The following PCDHA2 variants were observed in gnomAD, a reference collection of about 807,000 sequenced individuals.
PCDHA2 encodes protocadherin alpha 2.
Under a neutral mutation model 66.0 loss-of-function variants are expected in PCDHA2, and 58 were observed. The ratio of observed to expected loss-of-function variants is 0.88; its 90% confidence interval spans 0.71 to 1.09. The LOEUF (loss-of-function observed/expected upper bound fraction) is 1.09, where lower values mean the gene tolerates loss of function less well. Among genes scored for constraint, PCDHA2 ranks in the 50% least tolerant of loss-of-function variants. PCDHA2 has a pLI of 0.00. For missense variants in PCDHA2, 1,267 were observed against 1,242.3 expected (o/e 1.02, Z -0.30); for synonymous variants, 634 against 554.0 (o/e 1.14, Z -2.03).
At chr5:140,972,091 C>G (rs1169233514) in intron 1 of PCDHA2, among the ~76,000 whole-genome samples, 3 of 152,164 alleles carry the variant, frequency 2.0e-5, no homozygotes, top group African/African-American at 4.8e-5. Context: ...AGAGTAATTT[C>G]TGGCATAGAA....
intron 1 of PCDHA2, chr5:140,830,224 G>C (rs2150182996): frequency 6.2e-7 from 1 of 1,613,900 alleles, no homozygotes; most frequent in African/African-American, 1.3e-5. Context: ...CCAGCCTGCT[G>C]GTCCTCACGC....
At chr5:140,812,540 T>C (rs1456985298) in intron 1 of PCDHA2, 1 of 152,188 alleles carries the variant, frequency 6.6e-6, no homozygotes, top group Non-Finnish European at 1.5e-5. Flanking sequence ...CCTTTTTTTC[T>C]AGTTCCTTGA....
At position 140,807,069 on chromosome 5, in the gene PCDHA2, T is replaced by C. The variant is rs546905593; in HGVS notation, c.2388+9717T>C. The stretch of plus-strand genomic sequence containing the variant: ...CTTCTATTCTTACTGGAAGGAACCA[T>C]ATACACTCTTTGGAGTCTGAAATAT... On this transcript the variant is annotated intron_variant, in intron 1 of 3. Coordinates refer to ENST00000526136, the MANE Select transcript of PCDHA2 (RefSeq NM_018905.3). The C allele has an allele frequency of 8.6e-6, 10 of 1,166,188 alleles. No homozygotes were observed. The South Asian group carries it at 1.3e-4, about 16-fold the overall frequency. The allele number at this position is 1,166,188 out of a possible 1,614,324, so 72.2% of individuals were successfully genotyped here. A position where few individuals can be genotyped will look rare whatever the true frequency, so the allele number is the denominator to read the frequency against.
chr5:140,802,847 G>A, intron 1 of PCDHA2: 1 of 1,613,552 alleles, frequency 6.2e-7, no homozygotes, highest in Non-Finnish European at 8.5e-7. Flanking sequence ...GCAACGTGAC[G>A]CTGCAGGTGT....
intron 1 of PCDHA2, among the ~76,000 whole-genome samples, chr5:140,972,039 C>A (rs1274808907): frequency 2.6e-5 from 4 of 152,150 alleles, no homozygotes; most frequent in African/African-American, 9.7e-5. Context: ...TTTAAGCTAT[C>A]ACTAATTCAC....
At chr5:140,964,629 T>C (rs1315614801) in intron 1 of PCDHA2, among the ~76,000 whole-genome samples, 1 of 152,028 alleles carries the variant, frequency 6.6e-6, no homozygotes, top group Non-Finnish European at 1.5e-5. Context: ...TTATAAGCCA[T>C]TTATTTTCAG....
At position 140,836,060 on chromosome 5, in the gene PCDHA2, C is replaced by A; in HGVS notation, c.2388+38708C>A. ...TGCAGGTGTTCGTGCTGGACGAGAA[C>A]GACAACGCGCCGGCACTGCTGGCGC... is the stretch of plus-strand genomic sequence containing the variant. On this transcript the variant is annotated intron_variant, in intron 1 of 3. Coordinates refer to ENST00000526136, the MANE Select transcript of PCDHA2 (RefSeq NM_018905.3). 8.1e-6 allele frequency: 13 copies of A among 1,613,098 alleles called. No individual in the cohort carries two copies. The highest frequency in any genetic ancestry group is 1.1e-5 in the Non-Finnish European group (13 of 1,179,748).
chr5:140,857,702 G>T (rs2044803207), intron 1 of PCDHA2: 1 of 1,597,298 alleles, frequency 6.3e-7, no homozygotes, highest in African/African-American at 1.3e-5. Flanking sequence ...GACGCTGCAG[G>T]TGTTCGTGCT....
chr5:140,826,608 G>A (rs1447387034), intron 1 of PCDHA2, among the ~76,000 whole-genome samples: 2 of 152,100 alleles, frequency 1.3e-5, no homozygotes, highest in African/African-American at 4.8e-5. Context: ...TAAATTAAGG[G>A]CGAAGTTGAT....
chr5:140,891,569 CAT>C (rs59481749), intron 1 of PCDHA2, among the ~76,000 whole-genome samples: 3,590 of 152,218 alleles, frequency 0.024, 138 homozygotes, highest in African/African-American at 0.082. Flanking sequence ...TCTAATTAAA[CAT>C]ATTTTAATCT....
At chr5:140,877,943 T>C in intron 1 of PCDHA2, 1 of 1,363,226 alleles carries the variant, frequency 7.3e-7, no homozygotes, top group Non-Finnish European at 9.6e-7. Context: ...TCCTTTAAAC[T>C]ATCGAATGTC....
intron 3 of PCDHA2, among the ~76,000 whole-genome samples, chr5:141,000,339 ATC>A (rs1414297743): frequency 2.0e-5 from 2 of 102,334 alleles, no homozygotes; most frequent in Admixed American, 1.0e-4. Context: ...GCAAGGCCCT[ATC>A]TCTCTCTCTG....
At chr5:141,002,085 A>G (rs959603404) in intron 3 of PCDHA2, among the ~76,000 whole-genome samples, 1 of 152,244 alleles carries the variant, frequency 6.6e-6, no homozygotes, top group African/African-American at 2.4e-5. Context: ...AAGAACGAGC[A>G]GTCCAGGGGC....
intron 1 of PCDHA2, chr5:140,823,645 G>C: frequency 6.2e-7 from 1 of 1,614,010 alleles, no homozygotes; most frequent in Middle Eastern, 1.7e-4. Flanking sequence ...GTTCCGCGTG[G>C]GGCTGTACAC....
intron 1 of PCDHA2, chr5:140,829,536 C>G: frequency 6.2e-7 from 1 of 1,613,152 alleles, no homozygotes; most frequent in Non-Finnish European, 8.5e-7. Context: ...GCGCGAGACG[C>G]GGACGCGCAG....
chr5:140,999,176 T>A (rs546665453), intron 3 of PCDHA2, among the ~76,000 whole-genome samples: 1 of 152,274 alleles, frequency 6.6e-6, no homozygotes, highest in African/African-American at 2.4e-5. Context: ...AAGAGCCTGA[T>A]GGGGAGAGGG....
intron 1 of PCDHA2, chr5:140,877,199 C>T (rs1345698735): frequency 8.7e-6 from 14 of 1,613,698 alleles, no homozygotes; most frequent in Non-Finnish European, 1.2e-5. Flanking sequence ...GCAGGAGGCG[C>T]AGTTAGCGAG....
intron 1 of PCDHA2, chr5:140,968,393 C>T (rs747934843): frequency 1.8e-5 from 29 of 1,613,976 alleles, no homozygotes; most frequent in East Asian, 2.2e-5. Context: ...TGAGAAGTTT[C>T]GGGAGTTCTT....
At chr5:140,927,612 C>T (rs781873236) in intron 1 of PCDHA2, 12 of 1,614,172 alleles carry the variant, frequency 7.4e-6, no homozygotes, top group Non-Finnish European at 8.5e-6. Context: ...TATACCGCAC[C>T]AAGGTTCCAG....
Sources: allele counts gnomAD v4.1 joint callset (sites outside exome capture counted in the v4.1 genomes callset), GRCh38; gene constraint gnomAD v4.1.1; transcripts MANE v1.5; gene names NCBI Gene and HGNC (gene_info 2026-07-23, HGNC 2026-07-21).